TESK2: variants seen among roughly 807,000 people sequenced by gnomAD.
The protein encoded by TESK2 is testis associated actin remodelling kinase 2, also known as dual specificity testis-specific protein kinase 2.
TESK2 carries 39 observed loss-of-function variants against 57.1 expected under a neutral mutation model. The ratio of observed to expected loss-of-function variants is 0.68; its 90% CI spans 0.53 to 0.89. The LOEUF is 0.89. Among genes scored for constraint, TESK2 ranks in the 40% least tolerant of loss-of-function variants. The probability of loss-of-function intolerance (pLI) is 0.00; values close to 1 mark genes in which losing one functional copy is unlikely to be tolerated. For missense variants in TESK2, 646 were observed against 732.1 expected (o/e 0.88, Z 1.36); for synonymous variants, 249 against 267.9 (o/e 0.93, Z 0.69).
chr1:45,353,123 C>T (rs535690962), intron 5 of TESK2, among the ~76,000 whole-genome samples: 74 of 152,292 alleles, frequency 4.9e-4, no homozygotes, highest in Non-Finnish European at 1.2e-4. Flanking sequence ...GTCTTGAACT[C>T]CTGACCTCAG....
At chr1:45,378,424 T>C (rs781075321) in intron 4 of TESK2, among the ~76,000 whole-genome samples, 27 of 152,314 alleles carry the variant, frequency 1.8e-4, no homozygotes, top group Non-Finnish European at 3.2e-4. Flanking sequence ...CTTGAGTGGT[T>C]TGTACCAGTC....
intron 4 of TESK2, among the ~76,000 whole-genome samples, chr1:45,371,366 AC>A (rs1229035791): frequency 6.6e-6 from 1 of 152,198 alleles, no homozygotes; most frequent in Non-Finnish European, 1.5e-5. Context: ...ATGTTCATCA[AC>A]CCATGAATGG....
chr1:45,489,527 C>T (rs1469275108), intron 1 of TESK2, among the ~76,000 whole-genome samples: 4 of 152,312 alleles, frequency 2.6e-5, no homozygotes, highest in African/African-American at 7.2e-5. Context: ...CAGTGGCTCA[C>T]GCCTGTAATC....
rs539363772 is a variant in TESK2, at chr1:45,445,471, A to C, written c.222+12093T>G. Reference sequence around the variant, plus strand: ...ACCCTTGAAGATGGGCTTTCAATAAAAAATTAAAACTCAAAGTAGAAACAA... The same window carrying C: ...ACCCTTGAAGATGGGCTTTCAATAACAAATTAAAACTCAAAGTAGAAACAA... On this transcript the variant is annotated intron_variant, in intron 2 of 10. Coordinates refer to ENST00000372086, the MANE Select transcript of TESK2 (RefSeq NM_007170.3). 7.7e-4 allele frequency among the ~76,000 whole-genome samples: 117 copies of C among 152,082 alleles called. 1 individual carries two copies. The highest frequency in any genetic ancestry group is 2.7e-3 in the African/African-American group (110 of 41,486).
intron 2 of TESK2, among the ~76,000 whole-genome samples, chr1:45,441,601 C>A (rs1317577388): frequency 4.0e-5 from 6 of 150,744 alleles, no homozygotes; most frequent in Admixed American, 1.3e-4. Context: ...AACCACTGCA[C>A]CCAGCCAAAA....
chr1:45,443,988 G>A (rs1040579381), intron 2 of TESK2, among the ~76,000 whole-genome samples: 4 of 152,122 alleles, frequency 2.6e-5, no homozygotes, highest in African/African-American at 9.7e-5. Flanking sequence ...CACCAGCCTA[G>A]GCAACATAGC....
chr1:45,347,065 G>T lies in TESK2; in HGVS notation c.709-3C>A. 2 of 1,614,094 alleles carry T rather than the reference G, an allele frequency of 1.2e-6. No individual in the cohort carries two copies. Among genetic ancestry groups the T allele is most frequent in the South Asian group, 1.1e-5 (1 of 91,076 alleles). ...ATACCATAAGAGAACACATCTGCCT[G>T]GTGGGTAGTCGGACTTTGGTTTCCC... On this transcript the variant is annotated splice_polypyrimidine_tract_variant and splice_region_variant and intron_variant, in intron 7 of 10. Coordinates refer to ENST00000372086, the MANE Select transcript of TESK2 (RefSeq NM_007170.3).
chr1:45,423,429 C>G (rs1264166551), intron 2 of TESK2, among the ~76,000 whole-genome samples: 1 of 151,962 alleles, frequency 6.6e-6, no homozygotes, highest in East Asian at 1.9e-4. Context: ...TGGTGGCGGG[C>G]ACCTGTAGTC....
At chr1:45,373,561 C>T (rs1379946956) in intron 4 of TESK2, among the ~76,000 whole-genome samples, 2 of 152,154 alleles carry the variant, frequency 1.3e-5, no homozygotes, top group Admixed American at 6.5e-5. Context: ...TAGCCATTGA[C>T]ACAGTACCTG....
At chr1:45,430,215 T>A (rs1040140680) in intron 2 of TESK2, among the ~76,000 whole-genome samples, 1 of 151,828 alleles carries the variant, frequency 6.6e-6, no homozygotes, top group Non-Finnish European at 1.5e-5. Context: ...TGAAGATGGG[T>A]ATGGTGGCTC....
At chr1:45,473,597 C>T (rs1460267819) in intron 1 of TESK2, among the ~76,000 whole-genome samples, 1 of 152,182 alleles carries the variant, frequency 6.6e-6, no homozygotes, top group Non-Finnish European at 1.5e-5. Context: ...CTACAGTAGT[C>T]TGTTCTATTA....
chr1:45,427,714 T>G (rs774947195), intron 2 of TESK2, among the ~76,000 whole-genome samples: 1 of 152,100 alleles, frequency 6.6e-6, no homozygotes, highest in Non-Finnish European at 1.5e-5. Context: ...AATAAAACAA[T>G]TGAACTCATA....
chr1:45,350,943 T>G (rs1380680503), intron 5 of TESK2, among the ~76,000 whole-genome samples: 2 of 152,262 alleles, frequency 1.3e-5, no homozygotes, highest in Non-Finnish European at 1.5e-5. Context: ...CTCTTCACTC[T>G]GAAAATTGGC....
chr1:45,394,535 G>A (rs1187335722), intron 3 of TESK2, among the ~76,000 whole-genome samples: 1 of 151,838 alleles, frequency 6.6e-6, no homozygotes, highest in African/African-American at 2.4e-5. Context: ...GTAGGTCAGG[G>A]ATGGGGCCTA....
intron 5 of TESK2, among the ~76,000 whole-genome samples, chr1:45,348,908 G>GA (rs964171075): frequency 2.0e-4 from 30 of 152,086 alleles, no homozygotes; most frequent in African/African-American, 7.2e-4. Flanking sequence ...CATGCTCACT[G>GA]AAAAAATGCT....
At chr1:45,435,746 A>G (rs897280226) in intron 2 of TESK2, among the ~76,000 whole-genome samples, 1 of 139,614 alleles carries the variant, frequency 7.2e-6, no homozygotes, top group Non-Finnish European at 1.6e-5. Context: ...ATTTTATTTT[A>G]TTATTTGAGA....
intron 5 of TESK2, 51 bp from the exon 6 acceptor site, chr1:45,348,051 C>T (rs1288545389): frequency 1.6e-6 from 2 of 1,283,312 alleles, no homozygotes; most frequent in Admixed American, 1.7e-5. Flanking sequence ...AAGCGGGGAT[C>T]AGCCATAGAG....
chr1:45,478,968 C>T (rs1653105956), intron 1 of TESK2, among the ~76,000 whole-genome samples: 1 of 152,128 alleles, frequency 6.6e-6, no homozygotes, highest in Admixed American at 6.6e-5. Flanking sequence ...ACATAATCCG[C>T]CTGTCTCAGC....
chr1:45,368,705 T>C (rs1648055827), intron 4 of TESK2, among the ~76,000 whole-genome samples: 1 of 151,704 alleles, frequency 6.6e-6, no homozygotes, highest in African/African-American at 2.4e-5. Context: ...AGACGGAGTT[T>C]TGCTCTTGTT....
Sources: gnomAD v4.1 joint callset for allele counts (sites outside exome capture counted in the v4.1 genomes callset) on GRCh38, gnomAD v4.1.1 for gene constraint, MANE v1.5 for transcripts, NCBI Gene and HGNC (gene_info 2026-07-23, HGNC 2026-07-21) for gene names.